The following COL19A1 variants were observed in gnomAD, a reference collection of about 807,000 sequenced individuals.
COL19A1 encodes the protein collagen type XIX alpha 1 chain, also known as collagen alpha-1(XIX) chain.
A neutral mutation model predicts 190.2 loss-of-function variants in COL19A1; 159 were observed. That is an observed-to-expected ratio of 0.84 (90% CI 0.73 to 0.95). COL19A1 has a LOEUF of 0.95. Ranked by LOEUF, COL19A1 falls within the 40% of genes least tolerant of loss-of-function variation. The pLI is 0.00. For missense variants in COL19A1, 1,418 were observed against 1,431.9 expected, an observed-to-expected ratio of 0.99 and a Z score of 0.16; for synonymous variants, 509 against 458.9, an observed-to-expected ratio of 1.11 and a Z score of -1.39.
intron 12 of COL19A1, 133 bp from the exon 13 acceptor site, chr6:70,034,112 C>G (rs1779217415): frequency 6.0e-6 from 4 of 669,838 alleles, no homozygotes; most frequent in South Asian, 5.3e-5. Flanking sequence ...CCAGTTGTCT[C>G]TATTTCTCTC....
rs567834172 is a variant in COL19A1 at position 70,136,466 on chromosome 6, G to A, written c.1384-1219G>A. ...TACTCATCTGTTATAATGAATGAAT[G>A]AGATCATATGTATCAATAGAGATGG... On this transcript the variant is annotated intron_variant, in intron 18 of 50. Transcript: ENST00000620364. 3.4e-4 allele frequency among the ~76,000 whole-genome samples: 51 copies of A among 152,218 alleles called. 1 individual carries two copies. The highest frequency in any genetic ancestry group is 1.1e-3 in the African/African-American group (47 of 41,532).
intron 15 of COL19A1, among the ~76,000 whole-genome samples, chr6:70,085,135 C>CATGG (rs1384093682): frequency 6.6e-6 from 1 of 152,108 alleles, no homozygotes; most frequent in African/African-American, 2.4e-5. Flanking sequence ...AGTATTTGAA[C>CATGG]ATAATAAAAT....
intron 4 of COL19A1, among the ~76,000 whole-genome samples, chr6:69,922,082 G>A (rs184619727): frequency 2.0e-5 from 3 of 152,072 alleles, no homozygotes; most frequent in Admixed American, 1.3e-4. Flanking sequence ...TCTGTGTCAC[G>A]TTAAGTGTTT....
intron 9 of COL19A1, among the ~76,000 whole-genome samples, chr6:69,956,849 T>G (rs970484905): frequency 6.6e-6 from 1 of 152,080 alleles, no homozygotes; most frequent in Non-Finnish European, 1.5e-5. Context: ...GTTATACTCC[T>G]AGAAAAATAT....
chr6:70,096,084 A>T (rs1183530510), intron 15 of COL19A1, among the ~76,000 whole-genome samples: 13 of 141,290 alleles, frequency 9.2e-5, no homozygotes, highest in Non-Finnish European at 6.1e-5. Context: ...CGGTAACTCT[A>T]TTTTTTTTTT....
At chr6:70,064,369 A>G (rs1317380824) in intron 14 of COL19A1, among the ~76,000 whole-genome samples, 1 of 152,230 alleles carries the variant, frequency 6.6e-6, no homozygotes, top group East Asian at 1.9e-4. Context: ...CCACATGATT[A>G]TCTCAACAGA....
chr6:69,934,701 TCTGA>T (rs1040511696), intron 7 of COL19A1, among the ~76,000 whole-genome samples: 5 of 151,944 alleles, frequency 3.3e-5, no homozygotes, highest in African/African-American at 1.2e-4. Context: ...GGAATTTATC[TCTGA>T]CTATGGAAAA....
At chr6:69,970,010 T>A (rs778836239) in intron 11 of COL19A1, among the ~76,000 whole-genome samples, 3 of 152,194 alleles carry the variant, frequency 2.0e-5, no homozygotes, top group Non-Finnish European at 4.4e-5. Flanking sequence ...ACCACCATGT[T>A]CTACTGGCCA....
In COL19A1 at chr6:69,888,386, G is replaced by A. The variant is rs118118040; in HGVS notation, c.91+8728G>A. On this transcript the variant is annotated intron_variant, in intron 2 of 50. Transcript: ENST00000620364. ...TTCCTTCCCCAGAGTCCAATCCTAA[G>A]CCAACTAGTTTAAGGTTTGGGAAAT... Among the ~76,000 whole-genome samples the A allele has an allele frequency of 6.7e-3, 1,020 of 152,168 alleles. 24 individuals carry two copies. In the East Asian group the frequency reaches 0.071, roughly 11 times the overall value.
At chr6:70,046,182 A>G (rs1779904702) in intron 14 of COL19A1, among the ~76,000 whole-genome samples, 1 of 152,194 alleles carries the variant, frequency 6.6e-6, no homozygotes, top group Admixed American at 6.5e-5. Context: ...AATATCTAGA[A>G]TCTGACCAAT....
chr6:69,888,245 T>A (rs373486902), intron 2 of COL19A1, among the ~76,000 whole-genome samples: 5 of 152,042 alleles, frequency 3.3e-5, no homozygotes, highest in African/African-American at 9.7e-5. Flanking sequence ...AGGGGAGGGA[T>A]AAGGCAGCTC....
At chr6:70,024,783 A>ACT (rs1267950178) in intron 12 of COL19A1, among the ~76,000 whole-genome samples, 1 of 152,230 alleles carries the variant, frequency 6.6e-6, no homozygotes, top group Admixed American at 6.5e-5. Context: ...CACTAGCCCC[A>ACT]GTGGCTTGTA....
chr6:69,972,977 T>C (rs1775515201), intron 11 of COL19A1, among the ~76,000 whole-genome samples: 1 of 152,202 alleles, frequency 6.6e-6, no homozygotes, highest in African/African-American at 2.4e-5. Flanking sequence ...GTTAGTTTTG[T>C]TAAGGAAATT....
intron 10 of COL19A1, among the ~76,000 whole-genome samples, chr6:69,960,961 T>C (rs1409941073): frequency 1.3e-5 from 2 of 152,118 alleles, no homozygotes; most frequent in Admixed American, 1.3e-4. Context: ...GGAAGAAGCA[T>C]GGTTATCTGT....
chr6:70,180,778 C>T (rs1766123448), intron 44 of COL19A1, among the ~76,000 whole-genome samples: 1 of 152,194 alleles, frequency 6.6e-6, no homozygotes, highest in African/African-American at 2.4e-5. Context: ...CTCATCATTT[C>T]TTAAGCCTAA....
At chr6:70,125,933 A>C (rs971638477) in intron 17 of COL19A1, among the ~76,000 whole-genome samples, 1 of 152,172 alleles carries the variant, frequency 6.6e-6, no homozygotes, top group Non-Finnish European at 1.5e-5. Context: ...CATCAGACCC[A>C]CAGTTCCTTA....
chr6:70,050,647 G>A (rs1780153278), intron 14 of COL19A1, among the ~76,000 whole-genome samples: 1 of 151,976 alleles, frequency 6.6e-6, no homozygotes, highest in African/African-American at 2.4e-5. Context: ...TCACTTACTT[G>A]GATATCATAA....
At chr6:70,176,670 C>A in intron 42 of COL19A1, 106 bp downstream of exon 42, 1 of 975,542 alleles carries the variant, frequency 1.0e-6, no homozygotes, top group Non-Finnish European at 1.5e-6. Context: ...CCATAACTCC[C>A]ATGGCATTAG....
At chr6:70,179,562 A>G (rs1188995206) in intron 42 of COL19A1, among the ~76,000 whole-genome samples, 1 of 152,148 alleles carries the variant, frequency 6.6e-6, no homozygotes, top group Non-Finnish European at 1.5e-5. Context: ...CAAATCAAAC[A>G]TGATTTTTTC....
Sources: gnomAD v4.1 joint callset for allele counts (sites outside exome capture counted in the v4.1 genomes callset) on GRCh38, gnomAD v4.1.1 for gene constraint, MANE v1.5 for transcripts, NCBI Gene and HGNC (gene_info 2026-07-23, HGNC 2026-07-21) for gene names.